SUMF1: variants seen among roughly 807,000 people sequenced by gnomAD.
SUMF1 encodes the protein sulfatase modifying factor 1, also known as formylglycine-generating enzyme.
A neutral mutation model predicts 47.6 loss-of-function variants in SUMF1; 48 were observed. The ratio of observed to expected loss-of-function variants is 1.01; its 90% confidence interval spans 0.80 to 1.28. The LOEUF (loss-of-function observed/expected upper bound fraction) is 1.28, where lower values mean the gene tolerates loss of function less well. Ranked by LOEUF, SUMF1 falls within the 50% of genes most tolerant of loss-of-function variation. SUMF1 has a pLI of 0.00. For missense variants in SUMF1, 571 were observed against 485.4 expected (o/e 1.18, Z -1.66); for synonymous variants, 230 against 192.1 (o/e 1.20, Z -1.63).
At chr3:4,072,327 G>C (rs559409695) in intron 8 of SUMF1, among the ~76,000 whole-genome samples, 38 of 152,210 alleles carry the variant, frequency 2.5e-4, no homozygotes, top group Middle Eastern at 3.4e-3. Flanking sequence ...CCATCTGTAG[G>C]TCACCAACAT....
intron 8 of SUMF1, among the ~76,000 whole-genome samples, chr3:4,201,105 T>A (rs1695531682): frequency 6.6e-6 from 1 of 152,114 alleles, no homozygotes; most frequent in Non-Finnish European, 1.5e-5. Context: ...GGGGTATCCA[T>A]CACCTCATGC....
rs1304137401 is a variant in SUMF1, at chr3:4,467,105, C to T, written c.141G>A (p.Ala47=). The change falls in exon 1 of 9, where the codon GCG becomes GCA. Residue 47 remains alanine (A), a synonymous_variant. Transcript: ENST00000272902. ...GGGGCGTGCCGCAGCCGCAAGAACC[C>T]GCAAGGGACCCCGCGCCCGCACCGG... ...AGTGAGAGSL[A]GSCGCGTPQR... is the part of the protein sequence containing the mutation. The T allele has an allele frequency of 1.3e-6, 2 of 1,562,542 alleles. No homozygotes were observed. Among genetic ancestry groups the T allele is most frequent in the East Asian group, 2.4e-5 (1 of 41,714 alleles).
At position 4,211,342 on chromosome 3, in the gene SUMF1, G is replaced by T. The variant is rs180803128; in HGVS notation, c.1015-142597C>A. ...TTCCTCTAACCTCCACCCTCCAGTT[G>T]GCCCTAGTATGTGTTGTTCCCCTCT... On this transcript the variant is annotated intron_variant and NMD_transcript_variant, in intron 8 of 12. Coordinates refer to the SUMF1 transcript ENST00000448413. 2.0e-3 allele frequency among the ~76,000 whole-genome samples: 300 copies of T among 150,380 alleles called. 1 individual carries two copies. The highest frequency in any genetic ancestry group is 7.0e-3 in the African/African-American group (287 of 40,848).
Position 4,250,852 on chromosome 3 carries a change from A to T in SUMF1, c.1014+125478T>A, listed in dbSNP as rs76298892. Reference sequence around the variant, plus strand: ...ATCAGAAAAAAAGATTACTTTCAAAATAGTACTGCTCATTGATAATGTACC... The same window carrying T: ...ATCAGAAAAAAAGATTACTTTCAAATTAGTACTGCTCATTGATAATGTACC... On this transcript the variant is annotated intron_variant and NMD_transcript_variant, in intron 8 of 12. Transcript: ENST00000448413. 1.0e-3 allele frequency among the ~76,000 whole-genome samples: 156 copies of T among 152,320 alleles called. 3 individuals carry two copies. In the East Asian group the frequency reaches 0.029, roughly 28 times the overall value.
chr3:4,462,286 TC>T (rs1363730508), intron 1 of SUMF1, among the ~76,000 whole-genome samples: 1 of 152,126 alleles, frequency 6.6e-6, no homozygotes, highest in Non-Finnish European at 1.5e-5. Flanking sequence ...TCAAAGTTCA[TC>T]TTTGAACTTT....
intron 7 of SUMF1, among the ~76,000 whole-genome samples, chr3:4,389,359 G>A (rs1700779142): frequency 1.3e-5 from 2 of 151,060 alleles, no homozygotes; most frequent in African/African-American, 4.9e-5. Flanking sequence ...CTATAGGTAA[G>A]GTGTCATTTT....
intron 8 of SUMF1, among the ~76,000 whole-genome samples, chr3:4,251,723 T>C (rs1696806189): frequency 6.6e-6 from 1 of 152,242 alleles, no homozygotes; most frequent in Non-Finnish European, 1.5e-5. Context: ...TCTTCTATTA[T>C]AAGGCTGTTT....
intron 8 of SUMF1, among the ~76,000 whole-genome samples, chr3:4,303,015 C>T (rs1043619445): frequency 1.3e-5 from 2 of 152,156 alleles, no homozygotes; most frequent in South Asian, 4.1e-4. Context: ...TTTCCCCGCT[C>T]GGTTTAGAAC....
intron 9 of SUMF1, among the ~76,000 whole-genome samples, chr3:4,054,858 C>T (rs1049893707): frequency 6.6e-6 from 1 of 152,176 alleles, no homozygotes; most frequent in South Asian, 2.1e-4. Flanking sequence ...ATATGCACAA[C>T]AGATGTGCAA....
Position 4,467,121 on chromosome 3 carries a change from C to G in SUMF1, c.125G>C (p.Gly42Ala). The G allele has an allele frequency of 6.4e-7, 1 of 1,561,436 alleles. No individual in the cohort carries two copies. Among genetic ancestry groups the G allele is most frequent in the Non-Finnish European group, 8.7e-7 (1 of 1,154,310 alleles). Residue 42 changes from glycine to alanine, a missense_variant, in exon 1 of 9, where the codon GGC becomes GCC. Physicochemically the swap from Gly to Ala is moderately conservative, Grantham distance 60 (BLOSUM62 0). Transcript: ENST00000272902. ...AGSQEAGTGA[G>A]AGSLAGSCGC... ...GCAAGAACCCGCAAGGGACCCCGCGCCCGCACCGGTCCCGGCCTCCTGGCT... is the reference window on the plus strand; with the variant it reads ...GCAAGAACCCGCAAGGGACCCCGCGGCCGCACCGGTCCCGGCCTCCTGGCT...
At chr3:4,186,849 C>A (rs562066372) in intron 8 of SUMF1, among the ~76,000 whole-genome samples, 60 of 152,268 alleles carry the variant, frequency 3.9e-4, no homozygotes, top group African/African-American at 1.4e-3. Context: ...GAGCCACAAT[C>A]TTCTCTTTCT....
At chr3:4,143,784 T>A (rs1178086374) in intron 8 of SUMF1, among the ~76,000 whole-genome samples, 3 of 152,064 alleles carry the variant, frequency 2.0e-5, no homozygotes, top group African/African-American at 7.2e-5. Context: ...AAGCCCTCAC[T>A]ACTGAAATTG....
intron 8 of SUMF1, among the ~76,000 whole-genome samples, chr3:4,263,883 CTTATT>C (rs1020242906): frequency 1.7e-4 from 26 of 152,074 alleles, no homozygotes; most frequent in South Asian, 1.4e-3. Flanking sequence ...AATTGAGTTG[CTTATT>C]TTATTTTATT....
intron 8 of SUMF1, among the ~76,000 whole-genome samples, chr3:4,216,278 C>T (rs1695921939): frequency 6.6e-6 from 1 of 152,148 alleles, no homozygotes; most frequent in African/African-American, 2.4e-5. Context: ...CTGACACAAA[C>T]AAGCAATGGG....
intron 8 of SUMF1, among the ~76,000 whole-genome samples, chr3:4,371,563 C>A (rs1247089315): frequency 1.3e-5 from 2 of 152,162 alleles, no homozygotes; most frequent in South Asian, 2.1e-4. Flanking sequence ...GTTGCTCTTG[C>A]CACTAACACT....
At position 4,077,263 on chromosome 3, in the gene SUMF1, C is replaced by G. The variant is rs1026195288; in HGVS notation, c.1015-8518G>C. ...GACAGTGTGGCAATTCCTCAAGGAT[C>G]TAGAACTAGAAATACCATTTGACCC... On this transcript the variant is annotated intron_variant and NMD_transcript_variant, in intron 8 of 12. Coordinates refer to the SUMF1 transcript ENST00000448413. Among the ~76,000 whole-genome samples, 14 of 152,070 alleles carry G rather than the reference C, an allele frequency of 9.2e-5. 1 individual carries two copies. The highest frequency in any genetic ancestry group is 1.6e-4 in the Non-Finnish European group (11 of 68,030).
At chr3:4,461,627 G>GA (rs1553591550) in intron 1 of SUMF1, among the ~76,000 whole-genome samples, 1 of 146,386 alleles carries the variant, frequency 6.8e-6, no homozygotes, top group Non-Finnish European at 1.5e-5. Flanking sequence ...TTCCGGCCGA[G>GA]TTTTTTTTTT....
intron 8 of SUMF1, among the ~76,000 whole-genome samples, chr3:4,162,856 G>A (rs1034651248): frequency 1.3e-5 from 2 of 151,388 alleles, no homozygotes; most frequent in Non-Finnish European, 2.9e-5. Context: ...CCTGTTGCGG[G>A]GACAATCAGT....
intron 3 of SUMF1, among the ~76,000 whole-genome samples, chr3:4,448,269 T>C (rs180751825): frequency 1.3e-5 from 2 of 152,154 alleles, no homozygotes; most frequent in African/African-American, 4.8e-5. Context: ...AAAGCAAACA[T>C]AAGCCAGGAC....
Sources: allele counts gnomAD v4.1 joint callset (sites outside exome capture counted in the v4.1 genomes callset), GRCh38; gene constraint gnomAD v4.1.1; transcripts MANE v1.5; gene names NCBI Gene and HGNC (gene_info 2026-07-23, HGNC 2026-07-21).